CNOT6: variants seen among roughly 807,000 people sequenced by gnomAD.
The protein encoded by CNOT6 is CCR4-NOT transcription complex subunit 6, also known as carbon catabolite repression 4 protein.
Under a neutral mutation model 61.2 loss-of-function variants are expected in CNOT6, and 12 were observed. The observed-to-expected ratio is 0.20, with a 90% CI of 0.13 to 0.32. CNOT6 has a LOEUF of 0.32. Ranked by LOEUF, CNOT6 falls within the 10% of genes least tolerant of loss-of-function variation. The pLI is 1.00. For synonymous variants in CNOT6, 225 were observed against 240.6 expected (o/e 0.94, Z 0.60); for missense variants, 405 against 663.9 (o/e 0.61, Z 4.28).
intron 1 of CNOT6, among the ~76,000 whole-genome samples, chr5:180,519,841 T>G (rs1353622352): frequency 6.6e-6 from 1 of 151,930 alleles, no homozygotes; most frequent in East Asian, 1.9e-4. Context: ...TGCTTTTTTT[T>G]TTTTTTTCCC....
chr5:180,557,472 A>G (rs769803403), intron 4 of CNOT6, among the ~76,000 whole-genome samples: 3 of 152,192 alleles, frequency 2.0e-5, no homozygotes, highest in African/African-American at 7.2e-5. Context: ...CATTTCCCCA[A>G]TAAAGATACC....
chr5:180,514,348 G>A (rs573552649), intron 1 of CNOT6, among the ~76,000 whole-genome samples: 123 of 152,284 alleles, frequency 8.1e-4, no homozygotes, highest in African/African-American at 3.0e-3. Context: ...CTTGAAGCTG[G>A]AAGGCAGAGG....
At chr5:180,536,695 C>T (rs1050398164) in intron 2 of CNOT6, among the ~76,000 whole-genome samples, 1 of 152,164 alleles carries the variant, frequency 6.6e-6, no homozygotes, top group African/African-American at 2.4e-5. Context: ...ACTGCAGCCT[C>T]GACCTCGTGG....
chr5:180,498,073 G>C (rs1171839237), intron 1 of CNOT6, among the ~76,000 whole-genome samples: 1 of 151,718 alleles, frequency 6.6e-6, no homozygotes, highest in Non-Finnish European at 1.5e-5. Context: ...TGAGTAAACT[G>C]TAAACATATA....
intron 1 of CNOT6, among the ~76,000 whole-genome samples, chr5:180,519,124 C>T (rs889757207): frequency 3.3e-5 from 5 of 152,140 alleles, no homozygotes; most frequent in East Asian, 1.9e-4. Context: ...TGTAAGGAAT[C>T]GTAGGTGCAT....
At chr5:180,514,400 C>T (rs1315268804) in intron 1 of CNOT6, among the ~76,000 whole-genome samples, 8 of 152,132 alleles carry the variant, frequency 5.3e-5, no homozygotes, top group Admixed American at 2.0e-4. Context: ...CCAGCCTAGG[C>T]GAAAGAGCGA....
chr5:180,552,777 A>T lies in CNOT6; in HGVS notation c.300-609A>T, dbSNP rs550580116. ...TGAAGGTTCCTTTGATATTTATATC[A>T]TGATTATCTCTGCAAAACAAATCAT... On this transcript the variant is annotated intron_variant, in intron 3 of 11. Coordinates refer to ENST00000261951, the MANE Select transcript of CNOT6 (RefSeq NM_001370472.1). 1.1e-4 allele frequency among the ~76,000 whole-genome samples: 16 copies of T among 152,320 alleles called. 1 individual carries two copies. The South Asian group carries it at 3.3e-3, about 32-fold the overall frequency.
At position 180,565,906 on chromosome 5, in the gene CNOT6, A is replaced by C; in HGVS notation, c.646A>C (p.Asn216His). 6.2e-7 allele frequency: 1 copy of C among 1,614,078 alleles called. No individual in the cohort carries two copies. The highest frequency in any genetic ancestry group is 8.5e-7 in the Non-Finnish European group (1 of 1,179,946). The part of the protein sequence containing the change: ...LYGYCPSWAL[N>H]WDYRKKAIIQ... ...CGGCTACTGTCCATCATGGGCGCTA[A>C]ACTGGGACTACAGGAAAAAGGCCAT... The change falls in exon 7 of 12, where the codon AAC (asparagine) becomes CAC (histidine). Residue 216 changes from asparagine to histidine, a missense_variant. Asn to His is a moderately conservative substitution (Grantham distance 68). Coordinates refer to ENST00000261951, the MANE Select transcript of CNOT6 (RefSeq NM_001370472.1).
chr5:180,550,763 C>G (rs1759555847), intron 3 of CNOT6, among the ~76,000 whole-genome samples: 1 of 152,140 alleles, frequency 6.6e-6, no homozygotes. Flanking sequence ...ACACAGGGTC[C>G]AGGAAACCAT....
rs549753285 is a variant in CNOT6, at chr5:180,526,131, G to A, written c.-2-3144G>A. Among the ~76,000 whole-genome samples, 33 of 152,260 alleles carry A rather than the reference G, an allele frequency of 2.2e-4. No homozygotes were observed. In the South Asian group the frequency reaches 3.1e-3, roughly 14 times the overall value. ...TTCTTCTTGATAGTTTTTGGTGAAA[G>A]GTTGAAAACACTTACGAACTTGAAT... On this transcript the variant is annotated intron_variant, in intron 1 of 11. Transcript: ENST00000261951.
chr5:180,518,002 ATCTCCCCCTC>A (rs1395587588), intron 1 of CNOT6, among the ~76,000 whole-genome samples: 14 of 115,828 alleles, frequency 1.2e-4, no homozygotes, highest in African/African-American at 2.2e-4. Flanking sequence ...CTCTTCCCCC[ATCTCCCCCTC>A]TCTCCTCGTC....
chr5:180,522,713 A>C (rs1292062215), intron 1 of CNOT6, among the ~76,000 whole-genome samples: 1 of 151,946 alleles, frequency 6.6e-6, no homozygotes, highest in Non-Finnish European at 1.5e-5. Flanking sequence ...CAGTGGTGTT[A>C]TCTCTGCTCA....
At chr5:180,557,764 C>T (rs1759971848) in intron 4 of CNOT6, among the ~76,000 whole-genome samples, 1 of 152,176 alleles carries the variant, frequency 6.6e-6, no homozygotes, top group South Asian at 2.1e-4. Flanking sequence ...AGTCTAAGAA[C>T]TCTTTGAATA....
intron 1 of CNOT6, among the ~76,000 whole-genome samples, chr5:180,526,659 AC>A (rs1248463808): frequency 6.6e-6 from 1 of 152,182 alleles, no homozygotes; most frequent in Non-Finnish European, 1.5e-5. Flanking sequence ...CTTTAAACTT[AC>A]ATGGTCATAG....
At chr5:180,568,193 A>G (rs975446289) in intron 9 of CNOT6, among the ~76,000 whole-genome samples, 190 bp downstream of exon 9, 4 of 151,048 alleles carry the variant, frequency 2.6e-5, no homozygotes, top group African/African-American at 7.3e-5. Context: ...AGCATTGCCC[A>G]TTAAAGTATT....
intron 2 of CNOT6, among the ~76,000 whole-genome samples, chr5:180,541,195 A>G (rs528089252): frequency 8.0e-5 from 12 of 150,602 alleles, no homozygotes; most frequent in African/African-American, 2.2e-4. Context: ...CTGGAGTGCA[A>G]TGGCACAATC....
chr5:180,526,447 A>G (rs1758106117), intron 1 of CNOT6, among the ~76,000 whole-genome samples: 1 of 152,206 alleles, frequency 6.6e-6, no homozygotes, highest in African/African-American at 2.4e-5. Flanking sequence ...ATAGATGGGC[A>G]TAGGTGGGAG....
Position 180,550,127 on chromosome 5 carries a change from T to C in CNOT6, c.299+10T>C, listed in dbSNP as rs534585064. Reference sequence around the variant, plus strand: ...ACATGGTATCACTCAGGTATGCAGATTCAACTTAATACATACTAGCTATAT... The same window carrying C: ...ACATGGTATCACTCAGGTATGCAGACTCAACTTAATACATACTAGCTATAT... On this transcript the variant is annotated intron_variant, in intron 3 of 11. Transcript: ENST00000261951. The C allele has an allele frequency of 1.5e-5, 24 of 1,610,292 alleles. No individual in the cohort carries two copies. The highest frequency in any genetic ancestry group is 3.3e-5 in the Admixed American group (2 of 59,956).
At chr5:180,536,305 T>G (rs1330788404) in intron 2 of CNOT6, among the ~76,000 whole-genome samples, 1 of 152,028 alleles carries the variant, frequency 6.6e-6, no homozygotes, top group Non-Finnish European at 1.5e-5. Context: ...GGCCTAGGGT[T>G]GTTTTTTTCA....
Sources: allele counts gnomAD v4.1 joint callset (sites outside exome capture counted in the v4.1 genomes callset), GRCh38; gene constraint gnomAD v4.1.1; transcripts MANE v1.5; gene names NCBI Gene and HGNC (gene_info 2026-07-23, HGNC 2026-07-21).